RASGRF2: variants seen among roughly 807,000 people sequenced by gnomAD.
RASGRF2 encodes the protein Ras protein specific guanine nucleotide releasing factor 2.
Under a neutral mutation model 151.0 loss-of-function variants are expected in RASGRF2, and 76 were observed. That is an observed-to-expected ratio of 0.50 (90% CI 0.42 to 0.61). The LOEUF is 0.61. RASGRF2 is among the 20% of genes least tolerant of loss of function. The pLI is 0.00. For missense variants in RASGRF2, 1,148 were observed against 1,564.6 expected, an observed-to-expected ratio of 0.73 and a Z score of 4.49; for synonymous variants, 504 against 566.5, an observed-to-expected ratio of 0.89 and a Z score of 1.57.
At chr5:81,061,997 CAAAAAAAAAAAAA>C (rs34991044) in intron 2 of RASGRF2, among the ~76,000 whole-genome samples, 15 of 44,004 alleles carry the variant, frequency 3.4e-4, no homozygotes, top group African/African-American at 1.3e-3. Context: ...TCCCAGCTGA[CAAAAAAAAAAAAA>C]AAAAAAAAAA....
At chr5:81,028,762 A>C (rs1750128544) in intron 1 of RASGRF2, among the ~76,000 whole-genome samples, 2 of 152,222 alleles carry the variant, frequency 1.3e-5, no homozygotes, top group Non-Finnish European at 2.9e-5. Flanking sequence ...TGATTTCTGC[A>C]TTTCCAACTG....
At chr5:81,209,561 G>A (rs748723064) in intron 22 of RASGRF2, among the ~76,000 whole-genome samples, 10 of 152,314 alleles carry the variant, frequency 6.6e-5, no homozygotes, top group East Asian at 1.9e-4. Flanking sequence ...CCCAAAGCAC[G>A]TGGATGCTGT....
chr5:81,085,656 T>C (rs1752207717), intron 7 of RASGRF2, 146 bp from the exon 8 acceptor site: 7 of 1,308,422 alleles, frequency 5.3e-6, no homozygotes, highest in East Asian at 2.6e-5. Flanking sequence ...GTTCATTTTA[T>C]TTGTATTTCT....
At chr5:81,186,524 TAA>T (rs1349763375) in intron 18 of RASGRF2, among the ~76,000 whole-genome samples, 1 of 152,192 alleles carries the variant, frequency 6.6e-6, no homozygotes, top group African/African-American at 2.4e-5. Flanking sequence ...TTTCCCATTA[TAA>T]GAGGGTTTTA....
At chr5:81,095,290 G>A (rs1580308165) in intron 12 of RASGRF2, among the ~76,000 whole-genome samples, 1 of 152,146 alleles carries the variant, frequency 6.6e-6, no homozygotes, top group South Asian at 2.1e-4. Context: ...TGCCCTGTTA[G>A]TAATAAATTC....
intron 3 of RASGRF2, 87 bp from the exon 4 acceptor site, chr5:81,070,405 G>T: frequency 9.0e-7 from 1 of 1,110,306 alleles, no homozygotes; most frequent in Non-Finnish European, 1.4e-6. Context: ...GATCTCATTG[G>T]ACCACCTTTG....
intron 1 of RASGRF2, among the ~76,000 whole-genome samples, chr5:80,986,816 G>T (rs1300019231): frequency 6.6e-6 from 1 of 152,090 alleles, no homozygotes; most frequent in Non-Finnish European, 1.5e-5. Flanking sequence ...CATTGCCATG[G>T]CACCTGTTTC....
chr5:80,986,363 A>G (rs1477057092), intron 1 of RASGRF2, among the ~76,000 whole-genome samples: 1 of 152,208 alleles, frequency 6.6e-6, no homozygotes, highest in African/African-American at 2.4e-5. Context: ...CACAGCTCTT[A>G]TAGCACTGGG....
chr5:81,066,633 C>T (rs1402232167), intron 2 of RASGRF2, among the ~76,000 whole-genome samples: 2 of 152,196 alleles, frequency 1.3e-5, no homozygotes, highest in Admixed American at 6.5e-5. Flanking sequence ...CTTTTCTGAA[C>T]ATCCGCTTAT....
chr5:81,126,372 T>C (rs1237269659), intron 16 of RASGRF2, among the ~76,000 whole-genome samples: 2 of 152,218 alleles, frequency 1.3e-5, no homozygotes, highest in African/African-American at 4.8e-5. Context: ...AATATTTTTA[T>C]ATTAAGATAC....
chr5:81,040,625 A>G (rs1280029206), intron 1 of RASGRF2, among the ~76,000 whole-genome samples: 3 of 149,972 alleles, frequency 2.0e-5, no homozygotes, highest in African/African-American at 7.3e-5. Flanking sequence ...CACAGGGCCA[A>G]GACCATGGGG....
In RASGRF2 at chr5:80,960,437, C is replaced by A. The variant is rs2112194496; in HGVS notation, c.-302C>A. Among the ~76,000 whole-genome samples the A allele has an allele frequency of 6.7e-6, 1 of 148,752 alleles. No homozygotes were observed. The highest frequency in any genetic ancestry group is 2.2e-4 in the South Asian group (1 of 4,502). On this transcript the variant is annotated 5_prime_UTR_variant, in exon 1 of 27. Coordinates refer to ENST00000265080, the MANE Select transcript of RASGRF2 (RefSeq NM_006909.3). This position sits in a 1 kb window ranked among gnomAD's most constrained non-coding sequence, Gnocchi z 5.5. ...CAACTTTGGGCGAAGCGGCGGCCGG[C>A]TCGGGCGCCCTCGCGGGGCCGCGCT...
chr5:81,138,876 T>G lies in RASGRF2; in HGVS notation c.2686+11713T>G, dbSNP rs144364186. Among the ~76,000 whole-genome samples, 363 of 152,284 alleles carry G rather than the reference T, an allele frequency of 2.4e-3. 3 individuals carry two copies. Among genetic ancestry groups the G allele is most frequent in the African/African-American group, 8.2e-3 (341 of 41,546 alleles). ...AGGCTATTTCATTCCTCTTGTATTA[T>G]GGATGGATATGGTAACTTCTAAGTT... On this transcript the variant is annotated intron_variant, in intron 17 of 26. Transcript: ENST00000265080.
At chr5:81,135,594 G>T (rs1442794479) in intron 17 of RASGRF2, among the ~76,000 whole-genome samples, 3 of 152,118 alleles carry the variant, frequency 2.0e-5, no homozygotes, top group African/African-American at 4.8e-5. Flanking sequence ...AACCATTTTT[G>T]TAGAATGCAT....
chr5:81,119,597 C>T (rs1753249857), intron 15 of RASGRF2, among the ~76,000 whole-genome samples: 1 of 152,226 alleles, frequency 6.6e-6, no homozygotes, highest in Non-Finnish European at 1.5e-5. Flanking sequence ...GGGAAGGACA[C>T]TGACACAGGC....
chr5:81,052,190 T>C (rs1258286411), intron 2 of RASGRF2, among the ~76,000 whole-genome samples: 1 of 152,190 alleles, frequency 6.6e-6, no homozygotes. Flanking sequence ...ATGTCTATTG[T>C]GATACAAAAC....
chr5:81,094,205 C>A, intron 10 of RASGRF2, 91 bp from the exon 11 acceptor site: 1 of 1,010,368 alleles, frequency 9.9e-7, no homozygotes, highest in Non-Finnish European at 1.5e-6. Flanking sequence ...TGCTTTCTTC[C>A]ATGGCAACTT....
chr5:81,054,642 GT>G (rs1466505705), intron 2 of RASGRF2, among the ~76,000 whole-genome samples: 1 of 107,060 alleles, frequency 9.3e-6, no homozygotes, highest in Non-Finnish European at 1.9e-5. Flanking sequence ...CTTGAAAGTA[GT>G]TTTTTCCAAT....
intron 1 of RASGRF2, among the ~76,000 whole-genome samples, chr5:81,035,423 G>A (rs1391244857): frequency 6.6e-6 from 1 of 152,086 alleles, no homozygotes; most frequent in Admixed American, 6.6e-5. Flanking sequence ...GAGAACACTT[G>A]GACATAGGGT....
Sources: gnomAD v4.1 joint callset for allele counts (sites outside exome capture counted in the v4.1 genomes callset) on GRCh38, gnomAD v4.1.1 for gene constraint, Gnocchi (gnomAD v3.1) non-coding constraint, MANE v1.5 for transcripts, NCBI Gene and HGNC (gene_info 2026-07-23, HGNC 2026-07-21) for gene names.